ZFHX3: variants seen among roughly 807,000 people sequenced by gnomAD.
ZFHX3 encodes the protein zinc finger homeobox 3.
In ZFHX3, 42 loss-of-function variants were observed where a neutral mutation model predicts 279.1. The observed-to-expected ratio is 0.15, with a 90% CI of 0.12 to 0.19. The LOEUF (loss-of-function observed/expected upper bound fraction) is 0.19, where lower values mean the gene tolerates loss of function less well. Among genes scored for constraint, ZFHX3 ranks in the 10% least tolerant of loss-of-function variants. The pLI, the probability that ZFHX3 is intolerant of heterozygous loss-of-function variation, is 1.00. For missense variants in ZFHX3, 4,981 were observed against 4,754.0 expected, an observed-to-expected ratio of 1.05 and a Z score of -1.40; for synonymous variants, 2,293 against 1,957.8, an observed-to-expected ratio of 1.17 and a Z score of -4.52.
chr16:73,230,822 T>TA (rs927662970), intron 5 of ZFHX3, among the ~76,000 whole-genome samples: 1 of 152,078 alleles, frequency 6.6e-6, no homozygotes, highest in Non-Finnish European at 1.5e-5. Context: ...AGAAAAGGAA[T>TA]AAAAAAATCA....
At chr16:73,299,737 C>T (rs955445900) in intron 4 of ZFHX3, among the ~76,000 whole-genome samples, 7 of 152,164 alleles carry the variant, frequency 4.6e-5, no homozygotes, top group Admixed American at 6.5e-5. Context: ...CATATTTCAT[C>T]GTGCAAATCA....
At chr16:73,077,076 C>A (rs139707533) in intron 8 of ZFHX3, among the ~76,000 whole-genome samples, 2 of 152,088 alleles carry the variant, frequency 1.3e-5, no homozygotes, top group Non-Finnish European at 2.9e-5. Context: ...AAAAAGGATG[C>A]GCTAATAAAT....
At chr16:73,711,289 T>C (rs1339419593) in intron 1 of ZFHX3, among the ~76,000 whole-genome samples, 1 of 152,046 alleles carries the variant, frequency 6.6e-6, no homozygotes, top group African/African-American at 2.4e-5. Context: ...GAAGTTTAAA[T>C]TGTGCATTTA....
intron 5 of ZFHX3, among the ~76,000 whole-genome samples, chr16:73,184,245 C>T (rs1168701733): frequency 6.6e-6 from 1 of 152,170 alleles, no homozygotes; most frequent in Non-Finnish European, 1.5e-5. Context: ...GTGATGGATG[C>T]GTCCAGGCAG....
intron 2 of ZFHX3, among the ~76,000 whole-genome samples, chr16:73,588,028 A>G (rs2051945461): frequency 6.6e-6 from 1 of 152,214 alleles, no homozygotes; most frequent in African/African-American, 2.4e-5. Flanking sequence ...AAATATCAGC[A>G]AATTTCAAAG....
At position 72,957,552 on chromosome 16, in the gene ZFHX3, T is replaced by G. The variant is rs139430946; in HGVS notation, c.2594A>C (p.Tyr865Ser). The G allele has an allele frequency of 3.7e-6, 6 of 1,613,888 alleles. No homozygotes were observed. In the Admixed American group the frequency reaches 8.3e-5, roughly 22 times the overall value. ...SPAEAELYQY[Y>S]LAQNMNLPNL... Reference sequence around the variant, plus strand: ...GGGCAGGTTCATGTTCTGGGCCAGGTAGTATTGGTAGAGCTCGGCCTCGGC... The same window carrying G: ...GGGCAGGTTCATGTTCTGGGCCAGGGAGTATTGGTAGAGCTCGGCCTCGGC... The change falls in exon 2 of 10, where the codon TAC becomes TCC. Residue 865 changes from tyrosine to serine, a missense_variant. Physicochemically the swap from Tyr to Ser is moderately radical, Grantham distance 144. Coordinates refer to ENST00000268489, the MANE Select transcript of ZFHX3 (RefSeq NM_006885.4).
At chr16:73,562,649 C>T (rs1459625580) in intron 2 of ZFHX3, among the ~76,000 whole-genome samples, 1 of 148,108 alleles carries the variant, frequency 6.8e-6, no homozygotes, top group African/African-American at 2.5e-5. Flanking sequence ...ATTCACTTGT[C>T]TCACCAGAGA....
At chr16:73,311,182 A>G (rs909731438) in intron 4 of ZFHX3, among the ~76,000 whole-genome samples, 1 of 152,136 alleles carries the variant, frequency 6.6e-6, no homozygotes, top group African/African-American at 2.4e-5. Context: ...GCAGAGAGCC[A>G]AGATCGCACC....
intron 1 of ZFHX3, among the ~76,000 whole-genome samples, chr16:73,018,958 A>G (rs1052615076): frequency 7.2e-5 from 11 of 152,158 alleles, no homozygotes; most frequent in African/African-American, 2.7e-4. Flanking sequence ...CTCGCTTCTA[A>G]GGACACACAC....
Position 73,220,187 on chromosome 16 carries a change from A to G in ZFHX3, c.-1104+36860T>C, listed in dbSNP as rs539780133. 7.2e-5 allele frequency among the ~76,000 whole-genome samples: 11 copies of G among 152,286 alleles called. No individual in the cohort carries two copies. The East Asian group carries it at 2.1e-3, about 29-fold the overall frequency. On this transcript the variant is annotated intron_variant, in intron 5 of 17. Coordinates refer to the ZFHX3 transcript ENST00000641206. Reference sequence around the variant, plus strand: ...ATGGCAACAATAGACGCTGGGGACTACTAGAGAGGACAGGAAGGGAGTAGG... The same window carrying G: ...ATGGCAACAATAGACGCTGGGGACTGCTAGAGAGGACAGGAAGGGAGTAGG...
intron 4 of ZFHX3, among the ~76,000 whole-genome samples, chr16:72,870,717 CAAA>C (rs71156125): frequency 9.8e-6 from 1 of 101,560 alleles, no homozygotes; most frequent in African/African-American, 3.6e-5. Context: ...GACTCTGTCT[CAAA>C]AAAAAAAAAA....
chr16:73,160,613 C>T (rs1967206687), intron 5 of ZFHX3, among the ~76,000 whole-genome samples: 1 of 152,142 alleles, frequency 6.6e-6, no homozygotes, highest in Admixed American at 6.5e-5. Context: ...TCCCTCATTA[C>T]TGCCATCATA....
intron 3 of ZFHX3, among the ~76,000 whole-genome samples, chr16:72,937,727 C>T (rs1960197683): frequency 6.6e-6 from 1 of 152,222 alleles, no homozygotes; most frequent in Admixed American, 6.5e-5. Context: ...CCACTTCTAC[C>T]ACTGCAGAGG....
intron 7 of ZFHX3, among the ~76,000 whole-genome samples, chr16:73,129,071 G>A (rs968884845): frequency 2.6e-5 from 4 of 152,026 alleles, no homozygotes; most frequent in East Asian, 3.9e-4. Context: ...CCAGATGACC[G>A]GTGGAGAAAC....
At chr16:73,035,829 A>C (rs1964879533) in intron 1 of ZFHX3, among the ~76,000 whole-genome samples, 1 of 152,212 alleles carries the variant, frequency 6.6e-6, no homozygotes, top group South Asian at 2.1e-4. Context: ...ACTTGAACCC[A>C]GGAGGAGGAA....
At chr16:72,895,817 C>T (rs574042537) in intron 3 of ZFHX3, among the ~76,000 whole-genome samples, 1 of 152,212 alleles carries the variant, frequency 6.6e-6, no homozygotes, top group Non-Finnish European at 1.5e-5. Flanking sequence ...GAGTGAGACC[C>T]TGTCTCAGTA....
Position 72,950,609 on chromosome 16 carries a change from CGTT to C in ZFHX3, c.3073_3075del (p.Asn1025del), listed in dbSNP as rs755253392. ...ATGGCCACACACTTGAGCCTCCACT[CGTT>C]GGCCTTGCCGCCCTCCTTGATGTGG... On this transcript the variant is annotated inframe_deletion, in exon 3 of 10. Transcript: ENST00000268489. 1.9e-6 allele frequency: 3 copies of C among 1,614,228 alleles called. No individual in the cohort carries two copies. The highest frequency in any genetic ancestry group is 2.5e-6 in the Non-Finnish European group (3 of 1,180,050).
chr16:73,718,268 G>A (rs965037436), intron 1 of ZFHX3, among the ~76,000 whole-genome samples: 3 of 152,072 alleles, frequency 2.0e-5, no homozygotes, highest in Non-Finnish European at 4.4e-5. Context: ...AAAATTAGCC[G>A]GGCGTGGTGG....
At position 72,797,620 on chromosome 16, in the gene ZFHX3, C is replaced by A; in HGVS notation, c.5062G>T (p.Val1688Leu). The A allele has an allele frequency of 6.2e-7, 1 of 1,614,186 alleles. No individual in the cohort carries two copies. The highest frequency in any genetic ancestry group is 1.3e-5 in the African/African-American group (1 of 75,058). The stretch of plus-strand genomic sequence containing the variant: ...GGATTCCCCAGGGGTGGCATCCCTA[C>A]ACTCTCAGTGGGCACTTGGCTTAGT... ...NLLSQVPTES[V>L]GMPPLGNPIG... Residue 1688 changes from valine (V) to leucine (L), a missense_variant, in exon 9 of 10, where the codon GTA becomes TTA. By Grantham distance (32) the Val-to-Leu change is conservative. Coordinates refer to ENST00000268489, the MANE Select transcript of ZFHX3 (RefSeq NM_006885.4).
Sources: gnomAD v4.1 joint callset for allele counts (sites outside exome capture counted in the v4.1 genomes callset) on GRCh38, gnomAD v4.1.1 for gene constraint, MANE v1.5 for transcripts, NCBI Gene and HGNC (gene_info 2026-07-23, HGNC 2026-07-21) for gene names.